FAM193A: variants seen among roughly 807,000 people sequenced by gnomAD.
The protein encoded by FAM193A is protein FAM193A.
FAM193A carries 22 observed loss-of-function variants against 126.5 expected under a neutral mutation model. That is an observed-to-expected ratio of 0.17 (90% CI 0.12 to 0.25). The LOEUF is 0.25. Among genes scored for constraint, FAM193A ranks in the 10% least tolerant of loss-of-function variants. FAM193A has a pLI of 1.00. For missense variants in FAM193A, 1,675 were observed against 1,672.8 expected (o/e 1.00, Z -0.02); for synonymous variants, 761 against 646.8 (o/e 1.18, Z -2.68).
At chr4:2,694,418 G>A (rs1445623912) in intron 16 of FAM193A, among the ~76,000 whole-genome samples, 2 of 151,810 alleles carry the variant, frequency 1.3e-5, no homozygotes, top group East Asian at 1.9e-4. Context: ...ACAGGCATAC[G>A]CCACCATGCC....
At chr4:2,636,722 C>T (rs997900490) in intron 5 of FAM193A, among the ~76,000 whole-genome samples, 13 of 152,142 alleles carry the variant, frequency 8.5e-5, no homozygotes, top group African/African-American at 2.2e-4. Context: ...GCAGCAAATG[C>T]AAATTTTCTA....
At chr4:2,584,283 G>T (rs188408718) in intron 1 of FAM193A, among the ~76,000 whole-genome samples, 37 of 151,908 alleles carry the variant, frequency 2.4e-4, no homozygotes, top group Non-Finnish European at 5.2e-4. Context: ...AAAAATTAGC[G>T]GTGCTTGGTG....
intron 13 of FAM193A, among the ~76,000 whole-genome samples, chr4:2,677,735 C>G (rs1352618328): frequency 7.2e-6 from 1 of 139,238 alleles, no homozygotes; most frequent in Admixed American, 7.0e-5. Flanking sequence ...GAGGGAAACA[C>G]TGTCTCAAAA....
At chr4:2,581,768 CT>C (rs1739954475) in intron 1 of FAM193A, among the ~76,000 whole-genome samples, 1 of 152,114 alleles carries the variant, frequency 6.6e-6, no homozygotes, top group Non-Finnish European at 1.5e-5. Context: ...ATTCTCCCGC[CT>C]CAGCCTCCCA....
intron 5 of FAM193A, 108 bp from the exon 6 acceptor site, chr4:2,639,627 G>A: frequency 2.5e-6 from 2 of 792,908 alleles, no homozygotes; most frequent in South Asian, 1.7e-5. Context: ...AGAGGGATGT[G>A]TGCGTGGTGG....
rs749940519 is a variant in FAM193A, at chr4:2,690,690, C to T, written c.2531-8C>T. On this transcript the variant is annotated splice_polypyrimidine_tract_variant and splice_region_variant and intron_variant, in intron 14 of 20. Transcript: ENST00000637812. Reference sequence around the variant, plus strand: ...CAGAAGCCTTAATTTTCCTGTTCTTCTTTGAAGGGAGTGAAATATTAGGGC... The same window carrying T: ...CAGAAGCCTTAATTTTCCTGTTCTTTTTTGAAGGGAGTGAAATATTAGGGC... 3 of 1,606,198 alleles carry T rather than the reference C, an allele frequency of 1.9e-6. No individual in the cohort carries two copies. In the African/African-American group the frequency reaches 4.0e-5, roughly 22 times the overall value.
At chr4:2,586,848 C>T (rs61790217) in intron 1 of FAM193A, among the ~76,000 whole-genome samples, 2,711 of 152,188 alleles carry the variant, frequency 0.018, 35 homozygotes, top group Non-Finnish European at 0.027. Context: ...GAGACGGGGT[C>T]TCCCTCTGTT....
intron 3 of FAM193A, among the ~76,000 whole-genome samples, chr4:2,625,967 G>C (rs1742924644): frequency 6.6e-6 from 1 of 152,054 alleles, no homozygotes; most frequent in African/African-American, 2.4e-5. Flanking sequence ...CAAACGATTA[G>C]CCCGTCTTCA....
chr4:2,682,217 C>G (rs1017883346), intron 13 of FAM193A, among the ~76,000 whole-genome samples: 6 of 152,110 alleles, frequency 3.9e-5, no homozygotes, highest in East Asian at 1.9e-4. Context: ...ATCTCCTGAC[C>G]TTGTGATCCG....
chr4:2,721,309 T>C (rs1720119312), intron 20 of FAM193A, among the ~76,000 whole-genome samples: 1 of 60,270 alleles, frequency 1.7e-5, no homozygotes, highest in East Asian at 4.8e-4. Flanking sequence ...CAAGACTCCG[T>C]CTCAAAAAAA....
At chr4:2,561,521 G>A (rs576588052) in intron 1 of FAM193A, among the ~76,000 whole-genome samples, 23 of 125,658 alleles carry the variant, frequency 1.8e-4, no homozygotes, top group Admixed American at 4.5e-4. Context: ...TTTTGAGACC[G>A]AGTCTCACTT....
At chr4:2,674,782 T>A (rs1480784305) in intron 13 of FAM193A, among the ~76,000 whole-genome samples, 1 of 151,512 alleles carries the variant, frequency 6.6e-6, no homozygotes, top group Non-Finnish European at 1.5e-5. Context: ...AGAGGATTGA[T>A]TGAGCCTGGG....
chr4:2,704,063 G>A (rs1213522934), intron 19 of FAM193A, among the ~76,000 whole-genome samples: 1 of 151,010 alleles, frequency 6.6e-6, no homozygotes, highest in Non-Finnish European at 1.5e-5. Context: ...GTCAGGAGAT[G>A]GAGACCATGC....
intron 1 of FAM193A, among the ~76,000 whole-genome samples, chr4:2,555,325 A>C (rs1353574788): frequency 6.6e-6 from 1 of 152,196 alleles, no homozygotes; most frequent in Non-Finnish European, 1.5e-5. Flanking sequence ...CTATGGAAGT[A>C]AGTTTTAGCT....
At chr4:2,536,389 G>A (rs1157065027), upstream of FAM193A, among the ~76,000 whole-genome samples, 5 of 151,742 alleles carry the variant, frequency 3.3e-5, no homozygotes, top group Admixed American at 3.3e-4. Flanking sequence ...TCCTCCCAGC[G>A]CCCGGGCCCT....
rs115658868 is a variant in FAM193A at position 2,548,245 on chromosome 4, A to G, written c.255+11075A>G. Among the ~76,000 whole-genome samples the G allele has an allele frequency of 6.5e-3, 974 of 150,402 alleles. 9 individuals are homozygous for G. The highest frequency in any genetic ancestry group is 0.021 in the African/African-American group (879 of 40,900). Reference sequence around the variant, plus strand: ...TTCCACCATGCCTGACTAATTTGGTATTTTTAGTAGAGATGGGGCTTCACC... The same window carrying G: ...TTCCACCATGCCTGACTAATTTGGTGTTTTTAGTAGAGATGGGGCTTCACC... On this transcript the variant is annotated intron_variant, in intron 1 of 20. Transcript: ENST00000637812.
At chr4:2,731,004 T>C (rs1369206233) in intron 20 of FAM193A, among the ~76,000 whole-genome samples, 1 of 151,888 alleles carries the variant, frequency 6.6e-6, no homozygotes, top group Non-Finnish European at 1.5e-5. Flanking sequence ...CAGATCAGCC[T>C]GGTCAACATG....
chr4:2,696,303 C>G, intron 17 of FAM193A, 60 bp from the exon 18 acceptor site: 1 of 1,170,866 alleles, frequency 8.5e-7, no homozygotes, highest in South Asian at 1.4e-5. Context: ...GAGGTGTGGT[C>G]TGAAATTTAT....
intron 1 of FAM193A, among the ~76,000 whole-genome samples, chr4:2,547,880 C>T (rs1232848887): frequency 6.6e-6 from 1 of 151,342 alleles, no homozygotes; most frequent in Non-Finnish European, 1.5e-5. Context: ...CCACCTTGGC[C>T]TCCCAAAGTG....
Sources: allele counts gnomAD v4.1 joint callset (sites outside exome capture counted in the v4.1 genomes callset), GRCh38; gene constraint gnomAD v4.1.1; transcripts MANE v1.5; gene names NCBI Gene and HGNC (gene_info 2026-07-23, HGNC 2026-07-21).